ATF7IP: variants seen among roughly 807,000 people sequenced by gnomAD.
ATF7IP encodes activating transcription factor 7 interacting protein.
ATF7IP carries 23 observed loss-of-function variants against 106.4 expected under a neutral mutation model. The observed-to-expected ratio is 0.22, with a 90% CI of 0.16 to 0.31. The LOEUF (loss-of-function observed/expected upper bound fraction) is 0.31, where lower values mean the gene tolerates loss of function less well. Ranked by LOEUF, ATF7IP falls within the 10% of genes least tolerant of loss-of-function variation. The pLI, the probability that ATF7IP is intolerant of heterozygous loss-of-function variation, is 1.00. For synonymous variants in ATF7IP, 542 were observed against 539.0 expected (o/e 1.01, Z -0.08); for missense variants, 1,334 against 1,524.3 (o/e 0.88, Z 2.08).
At chr12:14,416,764 T>C (rs1408074028) in intron 1 of ATF7IP, 2 of 221,398 alleles carry the variant, frequency 9.0e-6, no homozygotes. Flanking sequence ...TCTTCTTCCC[T>C]TGTTGCTGGG....
At chr12:14,401,111 T>C (rs1048962966) in intron 1 of ATF7IP, among the ~76,000 whole-genome samples, 2 of 152,214 alleles carry the variant, frequency 1.3e-5, no homozygotes, top group African/African-American at 4.8e-5. Flanking sequence ...TTATGTCTAG[T>C]GTCTTTGCTA....
intron 5 of ATF7IP, among the ~76,000 whole-genome samples, chr12:14,441,806 C>T (rs7296122): frequency 0.52 from 79,494 of 151,848 alleles, 21,399 homozygotes; most frequent in African/African-American, 0.65. Flanking sequence ...CCAAACTCAC[C>T]GCACCCGGCC....
chr12:14,429,478 A>G (rs1035038064), intron 2 of ATF7IP, among the ~76,000 whole-genome samples: 3 of 152,110 alleles, frequency 2.0e-5, no homozygotes, highest in African/African-American at 7.2e-5. Context: ...TTTTTGCATT[A>G]AACACTGACA....
chr12:14,394,837 G>C (rs1170377532), intron 1 of ATF7IP: 1 of 152,136 alleles, frequency 6.6e-6, no homozygotes, highest in Non-Finnish European at 1.5e-5. Flanking sequence ...ATATGTGGGA[G>C]GTACTTAACT....
chr12:14,470,879 A>G (rs924008049), intron 10 of ATF7IP, among the ~76,000 whole-genome samples: 1 of 152,224 alleles, frequency 6.6e-6, no homozygotes, highest in African/African-American at 2.4e-5. Flanking sequence ...ATCAATAAAA[A>G]TCATAATTTA....
At chr12:14,388,898 C>G (rs1939395592) in intron 1 of ATF7IP, among the ~76,000 whole-genome samples, 1 of 152,206 alleles carries the variant, frequency 6.6e-6, no homozygotes. Context: ...CCTCAGCTTC[C>G]TGACATGCTG....
At chr12:14,444,575 C>T (rs1942862197) in intron 5 of ATF7IP, among the ~76,000 whole-genome samples, 1 of 151,978 alleles carries the variant, frequency 6.6e-6, no homozygotes, top group Non-Finnish European at 1.5e-5. Flanking sequence ...TTCTTAGACA[C>T]AGTATGGCAG....
chr12:14,417,366 A>G (rs1271647459), intron 1 of ATF7IP, among the ~76,000 whole-genome samples: 1 of 152,168 alleles, frequency 6.6e-6, no homozygotes, highest in Non-Finnish European at 1.5e-5. Flanking sequence ...ACAGCACAAC[A>G]CTTCATAATA....
At chr12:14,437,915 T>C (rs1306763193) in intron 4 of ATF7IP, among the ~76,000 whole-genome samples, 4 of 151,132 alleles carry the variant, frequency 2.6e-5, no homozygotes, top group Non-Finnish European at 4.4e-5. Context: ...TAGCCGGGCG[T>C]AGTGGCGGGC....
chr12:14,416,566 A>C (rs1307824408), intron 1 of ATF7IP, among the ~76,000 whole-genome samples: 1 of 152,178 alleles, frequency 6.6e-6, no homozygotes, highest in African/African-American at 2.4e-5. Flanking sequence ...TTTTTGACCC[A>C]ACAATCGTGG....
chr12:14,461,007 A>G lies in ATF7IP; in HGVS notation c.2671A>G (p.Thr891Ala), dbSNP rs747606529. 1.7e-5 allele frequency: 28 copies of G among 1,614,022 alleles called. No individual in the cohort carries two copies. The South Asian group carries it at 3.0e-4, about 17-fold the overall frequency. The change falls in exon 9 of 15, where the codon ACA (threonine) becomes GCA (alanine). Residue 891 changes from threonine to alanine, a missense_variant. Thr to Ala is a moderately conservative substitution (Grantham distance 58). Transcript: ENST00000261168. Reference sequence around the variant, plus strand: ...ACAAGCCACAAGGACTTCTTTACCCACAGTGGGCCCATCAGGACTCTATAG... The same window carrying G: ...ACAAGCCACAAGGACTTCTTTACCCGCAGTGGGCCCATCAGGACTCTATAG... ...IVQATRTSLP[T>A]VGPSGLYSPS...
chr12:14,374,900 A>G (rs1376270575), intron 1 of ATF7IP, among the ~76,000 whole-genome samples: 1 of 151,976 alleles, frequency 6.6e-6, no homozygotes, highest in African/African-American at 2.4e-5. Flanking sequence ...TTCCACTTTT[A>G]TATTTATAGT....
intron 9 of ATF7IP, among the ~76,000 whole-genome samples, chr12:14,464,958 A>G (rs887389520): frequency 6.6e-6 from 1 of 152,174 alleles, no homozygotes; most frequent in Non-Finnish European, 1.5e-5. Context: ...GCTCATGCCT[A>G]TAATCCCAGC....
At chr12:14,469,729 C>T (rs1943970090) in intron 10 of ATF7IP, among the ~76,000 whole-genome samples, 1 of 152,084 alleles carries the variant, frequency 6.6e-6, no homozygotes, top group Admixed American at 6.5e-5. Flanking sequence ...AGGTTATACT[C>T]ACCATTATGA....
chr12:14,491,984 A>T (rs796332573), intron 13 of ATF7IP, among the ~76,000 whole-genome samples: 7 of 152,312 alleles, frequency 4.6e-5, no homozygotes, highest in African/African-American at 1.4e-4. Context: ...ACCTCCAGGT[A>T]TGGGATATAG....
chr12:14,397,950 C>A (rs1412401560), intron 1 of ATF7IP, among the ~76,000 whole-genome samples: 2 of 152,030 alleles, frequency 1.3e-5, no homozygotes, highest in Non-Finnish European at 2.9e-5. Flanking sequence ...TTTGAGTTTG[C>A]ATTAAGTTAA....
intron 5 of ATF7IP, among the ~76,000 whole-genome samples, chr12:14,444,006 G>A (rs1299381681): frequency 1.3e-5 from 2 of 152,066 alleles, no homozygotes; most frequent in Non-Finnish European, 2.9e-5. Context: ...CCAGAAAACA[G>A]GAGTCAACAG....
At chr12:14,473,220 G>C (rs1482562225) in intron 10 of ATF7IP, among the ~76,000 whole-genome samples, 2 of 146,910 alleles carry the variant, frequency 1.4e-5, no homozygotes, top group East Asian at 4.0e-4. Context: ...GCTTTATTTT[G>C]TATCAGTTTT....
At chr12:14,489,089 A>G (rs1944723481) in intron 13 of ATF7IP, among the ~76,000 whole-genome samples, 1 of 152,142 alleles carries the variant, frequency 6.6e-6, no homozygotes, top group South Asian at 2.1e-4. Flanking sequence ...CTCCTGGTGG[A>G]GTGACCCCAT....
Sources: gnomAD v4.1 joint callset for allele counts (sites outside exome capture counted in the v4.1 genomes callset) on GRCh38, gnomAD v4.1.1 for gene constraint, MANE v1.5 for transcripts, NCBI Gene and HGNC (gene_info 2026-07-23, HGNC 2026-07-21) for gene names.